Variants in ATP13A4 observed in about 807,000 individuals in gnomAD.
The protein encoded by ATP13A4 is probable cation-transporting ATPase 13A4.
A neutral mutation model predicts 142.5 loss-of-function variants in ATP13A4; 114 were observed. That is an observed-to-expected ratio of 0.80 (90% CI 0.69 to 0.93). The LOEUF (loss-of-function observed/expected upper bound fraction) is 0.93. ATP13A4 is among the 40% of genes least tolerant of loss of function. The probability of loss-of-function intolerance (pLI) is 0.00; values close to 1 mark genes in which losing one functional copy is unlikely to be tolerated. For synonymous variants in ATP13A4, 488 were observed against 514.8 expected (o/e 0.95, Z 0.70); for missense variants, 1,392 against 1,454.0 (o/e 0.96, Z 0.69).
intron 8 of ATP13A4, among the ~76,000 whole-genome samples, chr3:193,473,859 G>A (rs1328033120): frequency 6.6e-6 from 1 of 152,156 alleles, no homozygotes; most frequent in East Asian, 1.9e-4. Flanking sequence ...AAAGAGACAT[G>A]GCAAACAAGA....
chr3:193,541,227 C>T (rs566835735), intron 1 of ATP13A4, among the ~76,000 whole-genome samples: 11,851 of 116,454 alleles, frequency 0.1, 545 homozygotes, highest in Middle Eastern at 0.13. Context: ...CCAGCCTGGG[C>T]GACAGAGCGA....
intron 1 of ATP13A4, among the ~76,000 whole-genome samples, chr3:193,583,105 C>T (rs979131036): frequency 6.6e-6 from 1 of 150,698 alleles, no homozygotes; most frequent in Non-Finnish European, 1.5e-5. Flanking sequence ...AATTGAAGGG[C>T]ATAGTTATGG....
chr3:193,440,490 C>G, intron 21 of ATP13A4, 68 bp downstream of exon 21: 1 of 1,607,744 alleles, frequency 6.2e-7, no homozygotes. Flanking sequence ...CTCCTGGTAC[C>G]TCTTCCACTC....
chr3:193,491,249 T>C (rs1166468741), intron 6 of ATP13A4, 80 bp downstream of exon 6: 16 of 1,026,182 alleles, frequency 1.6e-5, no homozygotes, highest in Non-Finnish European at 2.5e-5. Context: ...TTATTAACAA[T>C]TAGCACTCCT....
At chr3:193,493,444 GA>G (rs1720052739) in intron 3 of ATP13A4, among the ~76,000 whole-genome samples, 1 of 151,840 alleles carries the variant, frequency 6.6e-6, no homozygotes, top group Admixed American at 6.6e-5. Flanking sequence ...AACTAAGGAG[GA>G]AAAAATTCCA....
intron 6 of ATP13A4, 118 bp downstream of exon 6, chr3:193,491,211 T>C: frequency 1.2e-6 from 1 of 838,480 alleles, no homozygotes; most frequent in South Asian, 1.3e-5. Context: ...CTTGGCATAC[T>C]TTCAAAATAT....
Position 193,483,992 on chromosome 3 carries a change from A to T in ATP13A4, c.752T>A (p.Leu251His), listed in dbSNP as rs1216214100. Residue 251 changes from leucine to histidine, a missense_variant, in exon 8 of 30, where the codon CTC (leucine) becomes CAC (histidine). By Grantham distance (99) the Leu-to-His change is moderately conservative. Transcript: ENST00000342695. ...ATTATGTGACTCGACGAGATGGTGG[A>T]GTTTTACAGATTGCTGAAAAAGAAG... is the stretch of plus-strand genomic sequence containing the variant. ...VYDLREQSVK[L>H]HHLVESHNSI... The T allele has an allele frequency of 2.5e-6, 4 of 1,609,094 alleles. No homozygotes were observed. Among genetic ancestry groups the T allele is most frequent in the Non-Finnish European group, 3.4e-6 (4 of 1,175,602 alleles).
intron 1 of ATP13A4, among the ~76,000 whole-genome samples, chr3:193,533,225 C>G (rs1560263730): frequency 6.6e-6 from 1 of 152,090 alleles, no homozygotes; most frequent in Non-Finnish European, 1.5e-5. Flanking sequence ...AAAATATATA[C>G]ATTTTTAAGT....
chr3:193,545,381 G>A (rs769766409), intron 1 of ATP13A4, among the ~76,000 whole-genome samples: 4 of 152,102 alleles, frequency 2.6e-5, no homozygotes, highest in Non-Finnish European at 4.4e-5. Context: ...AAGCATTCAG[G>A]ACATTTGGGC....
intron 6 of ATP13A4, 47 bp downstream of exon 6, chr3:193,491,282 T>C: frequency 7.1e-7 from 1 of 1,414,638 alleles, no homozygotes; most frequent in South Asian, 1.2e-5. Context: ...AGAGCCAAAC[T>C]TCCTTATTTT....
intron 29 of ATP13A4, chr3:193,403,761 T>A: frequency 3.0e-6 from 3 of 984,952 alleles, no homozygotes; most frequent in Non-Finnish European, 3.6e-6. Context: ...TTTTATCATG[T>A]TTGCTCACAA....
At chr3:193,450,776 C>T (rs1385921662) in intron 17 of ATP13A4, among the ~76,000 whole-genome samples, 1 of 152,136 alleles carries the variant, frequency 6.6e-6, no homozygotes, top group Non-Finnish European at 1.5e-5. Context: ...TTCCTTGTCT[C>T]TGAGGAACTT....
intron 25 of ATP13A4, among the ~76,000 whole-genome samples, chr3:193,431,605 GTGT>G (rs1368242944): frequency 3.0e-5 from 4 of 135,300 alleles, no homozygotes; most frequent in African/African-American, 1.0e-4. Context: ...ATATATGCAT[GTGT>G]GTGTGTGTGT....
intron 17 of ATP13A4, among the ~76,000 whole-genome samples, chr3:193,449,605 T>C (rs1717151745): frequency 6.6e-6 from 1 of 152,212 alleles, no homozygotes; most frequent in Non-Finnish European, 1.5e-5. Context: ...GCTTCAGCTA[T>C]CACTAAACTC....
rs1416332358 is a variant in ATP13A4 at position 193,554,852 on chromosome 3, G to A, written c.-53C>T. On this transcript the variant is annotated 5_prime_UTR_variant, in exon 1 of 30. Transcript: ENST00000342695. ...GACCTTGTCGTGCAGACGCTTCCAG[G>A]ATGAACTCCAACTCGCCGAGCCACC... 1 of 1,613,424 alleles carries A rather than the reference G, an allele frequency of 6.2e-7. No individual in the cohort carries two copies. The highest frequency in any genetic ancestry group is 8.5e-7 in the Non-Finnish European group (1 of 1,179,998).
Position 193,564,697 on chromosome 3 carries a change from T to C in ATP13A4, n.291+17010A>G, listed in dbSNP as rs371508649. ...TGTCAGATAGTTTGGGCTCTAATTA[T>C]TGCTTAGCCACTTACTATCAGTGTG... On this transcript the variant is annotated intron_variant and non_coding_transcript_variant, in intron 2 of 3. Coordinates refer to the ATP13A4 transcript ENST00000489140. Among the ~76,000 whole-genome samples, 31 of 152,328 alleles carry C rather than the reference T, an allele frequency of 2.0e-4. 1 individual carries two copies. In the East Asian group the frequency reaches 2.5e-3, roughly 12 times the overall value.
intron 26 of ATP13A4, among the ~76,000 whole-genome samples, chr3:193,413,449 C>T (rs545737829): frequency 4.6e-5 from 7 of 152,200 alleles, no homozygotes; most frequent in Non-Finnish European, 5.9e-5. Flanking sequence ...ACCATAAGGG[C>T]TGACTGCCTA....
At chr3:193,469,313 AG>A (rs1718480038) in intron 9 of ATP13A4, among the ~76,000 whole-genome samples, 1 of 152,220 alleles carries the variant, frequency 6.6e-6, no homozygotes, top group African/African-American at 2.4e-5. Context: ...TGGAACAGAC[AG>A]GACAATAAGT....
intron 14 of ATP13A4, 62 bp from the exon 15 acceptor site, chr3:193,457,527 T>C (rs965918931): frequency 5.4e-6 from 8 of 1,479,170 alleles, no homozygotes; most frequent in Middle Eastern, 3.5e-4. Context: ...ACTGATGCTA[T>C]GCTTGAACCC....
Sources: gnomAD v4.1 joint callset for allele counts (sites outside exome capture counted in the v4.1 genomes callset) on GRCh38, gnomAD v4.1.1 for gene constraint, MANE v1.5 for transcripts, NCBI Gene and HGNC (gene_info 2026-07-23, HGNC 2026-07-21) for gene names.